The following CENPP variants were observed in gnomAD, a reference collection of about 807,000 sequenced individuals.
CENPP encodes centromere protein P.
A neutral mutation model predicts 35.6 loss-of-function variants in CENPP; 24 were observed. That is an observed-to-expected ratio of 0.67 (90% CI 0.49 to 0.95). The LOEUF is 0.95. CENPP is among the 40% of genes least tolerant of loss of function. CENPP has a pLI of 0.00. For missense variants in CENPP, 332 were observed against 345.3 expected (o/e 0.96, Z 0.31); for synonymous variants, 120 against 125.5 (o/e 0.96, Z 0.29).
At chr9:92,551,955 T>TATATATATATATATATG (rs1645695777) in intron 5 of CENPP, among the ~76,000 whole-genome samples, 1 of 119,748 alleles carries the variant, frequency 8.4e-6, no homozygotes, top group African/African-American at 4.1e-5. Context: ...ATATATATGA[T>TATATATATATATATATG]ATATATATGT....
intron 5 of CENPP, among the ~76,000 whole-genome samples, chr9:92,587,084 A>G (rs564446632): frequency 1.6e-4 from 25 of 152,290 alleles, no homozygotes; most frequent in Admixed American, 9.2e-4. Context: ...ACTTTTAATG[A>G]ACAACTGTCC....
chr9:92,499,702 C>G (rs1434316276), intron 5 of CENPP, among the ~76,000 whole-genome samples: 1 of 152,216 alleles, frequency 6.6e-6, no homozygotes, highest in Non-Finnish European at 1.5e-5. Context: ...CCATCTCTTC[C>G]TCCAGTACCT....
intron 2 of CENPP, among the ~76,000 whole-genome samples, chr9:92,334,650 T>TG (rs1472002828): frequency 6.6e-6 from 1 of 151,998 alleles, no homozygotes; most frequent in Non-Finnish European, 1.5e-5. Flanking sequence ...GAGGCCTATG[T>TG]GGGCAGGTCA....
At chr9:92,510,274 C>T (rs1847255634) in intron 5 of CENPP, among the ~76,000 whole-genome samples, 1 of 152,178 alleles carries the variant, frequency 6.6e-6, no homozygotes. Context: ...GCTTACTCAC[C>T]ACGTTTATAT....
At chr9:92,552,880 C>G (rs531809977) in intron 5 of CENPP, among the ~76,000 whole-genome samples, 4 of 152,128 alleles carry the variant, frequency 2.6e-5, no homozygotes, top group African/African-American at 9.6e-5. Flanking sequence ...ATTGCATTTG[C>G]TTTTGGGTTC....
chr9:92,448,102 T>C (rs1339703333), intron 5 of CENPP, among the ~76,000 whole-genome samples: 1 of 152,134 alleles, frequency 6.6e-6, no homozygotes. Context: ...AAGCATAATG[T>C]GTGTTAGCAA....
intron 5 of CENPP, among the ~76,000 whole-genome samples, chr9:92,528,477 C>T (rs998254548): frequency 1.4e-4 from 22 of 152,116 alleles, no homozygotes; most frequent in Admixed American, 7.9e-4. Flanking sequence ...TACTGGATAG[C>T]ACATGTATGT....
At chr9:92,609,272 C>A (rs1851168759) in intron 5 of CENPP, among the ~76,000 whole-genome samples, 1 of 152,266 alleles carries the variant, frequency 6.6e-6, no homozygotes, top group Admixed American at 6.5e-5. Flanking sequence ...GGGCCTCCCA[C>A]ACTGGCAAGA....
At chr9:92,478,102 C>T (rs967589296) in intron 5 of CENPP, among the ~76,000 whole-genome samples, 3 of 151,766 alleles carry the variant, frequency 2.0e-5, no homozygotes, top group Non-Finnish European at 2.9e-5. Flanking sequence ...GGATTATAAG[C>T]AAAGCATTTT....
intron 5 of CENPP, among the ~76,000 whole-genome samples, chr9:92,402,712 T>C (rs1206459531): frequency 6.6e-6 from 1 of 152,204 alleles, no homozygotes; most frequent in Non-Finnish European, 1.5e-5. Flanking sequence ...AAGTCCTATA[T>C]TGACTAGGTT....
At position 92,619,272 on chromosome 9, in the gene CENPP, A is replaced by AGTT. The variant is rs1851545943; in HGVS notation, c.*6124_*6126dup. ...TTTCAATGTACTAACAATCCTTTTA[A>AGTT]GTTATTCTCCATAAATCTGTCTTTT... On this transcript the variant is annotated 3_prime_UTR_variant, in exon 8 of 8. Coordinates refer to ENST00000375587, the MANE Select transcript of CENPP (RefSeq NM_001012267.3). 1.8e-6 allele frequency: 1 copy of AGTT among 545,474 alleles called. No homozygotes were observed. Among genetic ancestry groups the AGTT allele is most frequent in the African/African-American group, 1.9e-5 (1 of 53,152 alleles). The allele number at this position is 545,474 out of a possible 1,614,324, so 33.8% of individuals were successfully genotyped here.
intron 5 of CENPP, among the ~76,000 whole-genome samples, chr9:92,443,182 C>G (rs1438726817): frequency 1.3e-5 from 2 of 152,252 alleles, no homozygotes; most frequent in Non-Finnish European, 1.5e-5. Context: ...TACAAGCAAA[C>G]TATTAGAATT....
At chr9:92,430,003 G>C (rs1032549973) in intron 5 of CENPP, among the ~76,000 whole-genome samples, 1 of 152,164 alleles carries the variant, frequency 6.6e-6, no homozygotes, top group African/African-American at 2.4e-5. Context: ...GCATATGTGT[G>C]CTAGTGTGTC....
chr9:92,571,502 A>C (rs1162902109), intron 5 of CENPP, among the ~76,000 whole-genome samples: 1 of 152,134 alleles, frequency 6.6e-6, no homozygotes, highest in African/African-American at 2.4e-5. Flanking sequence ...ACTTCCAACT[A>C]TGTGGTCAAT....
chr9:92,464,234 A>G (rs142826539), intron 5 of CENPP, among the ~76,000 whole-genome samples: 35 of 152,298 alleles, frequency 2.3e-4, no homozygotes, highest in African/African-American at 7.7e-4. Flanking sequence ...GGGAGCTTGG[A>G]AGTAATGGGT....
At chr9:92,611,199 G>A (rs898392012) in intron 5 of CENPP, 115 bp from the exon 6 acceptor site, 26 of 807,726 alleles carry the variant, frequency 3.2e-5, no homozygotes, top group Middle Eastern at 3.5e-4. Flanking sequence ...TGGATGCTGC[G>A]CAAACACTCG....
chr9:92,453,958 G>GA (rs1844795837), intron 5 of CENPP, among the ~76,000 whole-genome samples: 3 of 147,824 alleles, frequency 2.0e-5, no homozygotes, highest in East Asian at 2.0e-4. Context: ...CTCATCTCAG[G>GA]AAAAAAAAGA....
chr9:92,344,970 C>T (rs1308249715), intron 3 of CENPP, among the ~76,000 whole-genome samples: 1 of 151,362 alleles, frequency 6.6e-6, no homozygotes, highest in African/African-American at 2.4e-5. Flanking sequence ...AGATTGAGAC[C>T]GCCTGGCACG....
chr9:92,392,453 C>G (rs1842725060), intron 5 of CENPP, among the ~76,000 whole-genome samples: 1 of 152,106 alleles, frequency 6.6e-6, no homozygotes, highest in South Asian at 2.1e-4. Context: ...GAAACCCCAT[C>G]TCTACTAAAA....
Sources: allele counts gnomAD v4.1 joint callset (sites outside exome capture counted in the v4.1 genomes callset), GRCh38; gene constraint gnomAD v4.1.1; transcripts MANE v1.5; gene names NCBI Gene and HGNC (gene_info 2026-07-23, HGNC 2026-07-21).